SLC23A1: variants seen among roughly 807,000 people sequenced by gnomAD.
The protein encoded by SLC23A1 is Na(+)/L-ascorbic acid transporter 1.
A neutral mutation model predicts 62.5 loss-of-function variants in SLC23A1; 31 were observed. The ratio of observed to expected loss-of-function variants is 0.50; its 90% confidence interval spans 0.37 to 0.67. The LOEUF (loss-of-function observed/expected upper bound fraction) is 0.67. Among genes scored for constraint, SLC23A1 ranks in the 30% least tolerant of loss-of-function variants. SLC23A1 has a pLI of 0.00. For missense variants in SLC23A1, 640 were observed against 782.7 expected (o/e 0.82, Z 2.18); for synonymous variants, 271 against 313.2 (o/e 0.87, Z 1.42).
At chr5:139,373,039 C>T (rs1045666653) in intron 13 of SLC23A1, among the ~76,000 whole-genome samples, 1 of 152,154 alleles carries the variant, frequency 6.6e-6, no homozygotes, top group African/African-American at 2.4e-5. Context: ...ACACTATAAT[C>T]AGTGTTAATA....
In SLC23A1 at chr5:139,380,565, C is replaced by T. The variant is rs1034757476; in HGVS notation, c.465G>A (p.Glu155=). The T allele has an allele frequency of 6.2e-7, 1 of 1,613,842 alleles. No homozygotes were observed. The highest frequency in any genetic ancestry group is 8.5e-7 in the Non-Finnish European group (1 of 1,179,722). The change falls in exon 5 of 15, where the codon GAG becomes GAA. Residue 155 remains glutamate, a splice_region_variant and synonymous_variant. Coordinates refer to ENST00000348729, the MANE Select transcript of SLC23A1 (RefSeq NM_005847.5). Reference sequence around the variant, plus strand: ...CTTCTATGCTTACATGCAAACCCACCTCCCGTATCCGTGGGTGCCAAATAT... The same window carrying T: ...CTTCTATGCTTACATGCAAACCCACTTCCCGTATCCGTGGGTGCCAAATAT... ...TSHIWHPRIR[E]VQGAIMVSSV... is the part of the protein sequence containing the mutation.
upstream of SLC23A1, chr5:139,384,650 G>T: frequency 8.2e-7 from 1 of 1,216,274 alleles, no homozygotes; most frequent in Non-Finnish European, 1.1e-6. Context: ...CTGCAGATAC[G>T]GCTCCATGGA....
At position 139,379,040 on chromosome 5, in the gene SLC23A1, CAG is replaced by C. The variant is rs1395391759; in HGVS notation, c.1073+165_1073+166del. 6.6e-6 allele frequency among the ~76,000 whole-genome samples: 1 copy of C among 152,178 alleles called. No homozygotes were observed. The highest frequency in any genetic ancestry group is 2.4e-5 in the African/African-American group (1 of 41,436). On this transcript the variant is annotated intron_variant, in intron 9 of 14. Transcript: ENST00000348729. This position sits in a 1 kb window ranked among gnomAD's most constrained non-coding sequence, Gnocchi z 4.7. ...TCTTCTCAGCTACTCCCAGCAAAGA[CAG>C]AGGGGTGATGAGAGGGCACCCCCAT...
chr5:139,375,209 A>G (rs1478046949), intron 13 of SLC23A1, among the ~76,000 whole-genome samples: 3 of 152,082 alleles, frequency 2.0e-5, no homozygotes, highest in Non-Finnish European at 4.4e-5. Context: ...TCTTGCTACT[A>G]CCATCCCTTA....
chr5:139,380,727 G>T, intron 4 of SLC23A1, 71 bp downstream of exon 4: 1 of 1,462,742 alleles, frequency 6.8e-7, no homozygotes, highest in South Asian at 1.1e-5. Flanking sequence ...GTTGACCCGG[G>T]ACAGTTGCTC....
At chr5:139,383,410 G>A, upstream of SLC23A1, 1 of 1,432,032 alleles carries the variant, frequency 7.0e-7, no homozygotes, top group South Asian at 1.6e-5. Flanking sequence ...CCGGGCAGAG[G>A]TAATGTATTA....
chr5:139,379,496 T>C lies in SLC23A1; in HGVS notation c.926-142A>G, dbSNP rs1419459440. ...GAGCTATACAGTTGTGGGAGCTTAT[T>C]TGAGTCACTCAGAGCCAGGAAGTGG... On this transcript the variant is annotated intron_variant, in intron 8 of 14. Coordinates refer to ENST00000348729, the MANE Select transcript of SLC23A1 (RefSeq NM_005847.5). This position sits in a 1 kb window ranked among gnomAD's most constrained non-coding sequence, Gnocchi z 4.7. The C allele has an allele frequency of 2.2e-5, 23 of 1,040,332 alleles. No individual in the cohort carries two copies. Among genetic ancestry groups the C allele is most frequent in the South Asian group, 6.8e-5 (5 of 73,988 alleles). The allele number at this position is 1,040,332 out of a possible 1,614,324, so 64.4% of individuals were successfully genotyped here. A position where few individuals can be genotyped will look rare whatever the true frequency, so the allele number is the denominator to read the frequency against.
At position 139,378,507 on chromosome 5, in the gene SLC23A1, G is replaced by T; in HGVS notation, c.1179+72C>A. The T allele has an allele frequency of 6.9e-7, 1 of 1,448,368 alleles. No individual in the cohort carries two copies. Among genetic ancestry groups the T allele is most frequent in the East Asian group, 2.5e-5 (1 of 40,452 alleles). The allele number at this position is 1,448,368 out of a possible 1,614,324, so 89.7% of individuals were successfully genotyped here. ...AGACAGGGTGGGGCTAAACCAAAGT[G>T]GGGACCGAGTTGGGGCGGGGCCTGC... On this transcript the variant is annotated intron_variant, in intron 10 of 14. Coordinates refer to ENST00000348729, the MANE Select transcript of SLC23A1 (RefSeq NM_005847.5). This position sits in a 1 kb window ranked among gnomAD's most constrained non-coding sequence, Gnocchi z 4.5.
chr5:139,377,649 A>G (rs1332103270), intron 12 of SLC23A1, 152 bp from the exon 13 acceptor site: 1 of 633,684 alleles, frequency 1.6e-6, no homozygotes, highest in East Asian at 2.7e-5. Context: ...TCAAGTCCCA[A>G]TTCTGCCAGT....
chr5:139,374,916 A>G (rs555585257), intron 13 of SLC23A1, among the ~76,000 whole-genome samples: 19 of 152,230 alleles, frequency 1.2e-4, no homozygotes. Context: ...TCCAGCCCCC[A>G]GTCTAGCATC....
chr5:139,380,057 G>T lies in SLC23A1; in HGVS notation c.667C>A (p.Leu223Ile). The T allele has an allele frequency of 6.2e-7, 1 of 1,612,434 alleles. No individual in the cohort carries two copies. Among genetic ancestry groups the T allele is most frequent in the South Asian group, 1.1e-5 (1 of 90,838 alleles). Residue 223 changes from leucine to isoleucine, a missense_variant, in exon 7 of 15, where the codon CTC (leucine) becomes ATC (isoleucine). Transcript: ENST00000348729. ...ISACSILLII[L>I]FSQYLRNLTF... The stretch of plus-strand genomic sequence containing the variant: ...AGGTTGCGCAGGTACTGGGAGAAGA[G>T]GATGATCAGGAGAATGGAGCTGGGG...
rs773241697 is a variant in SLC23A1, at chr5:139,378,050, C to CG, written c.1377dup (p.Val460ArgfsTer29). 6.2e-7 allele frequency: 1 copy of CG among 1,614,136 alleles called. No homozygotes were observed. Among genetic ancestry groups the CG allele is most frequent in the African/African-American group, 1.3e-5 (1 of 75,054 alleles). On this transcript the variant is annotated frameshift_variant, in exon 12 of 15. Coordinates refer to ENST00000348729, the MANE Select transcript of SLC23A1 (RefSeq NM_005847.5). LOFTEE classifies it high-confidence loss of function. This position sits in a 1 kb window ranked among gnomAD's most constrained non-coding sequence, Gnocchi z 4.5. ...CCGAAGAACATGGAAAATCCCAGCA[C>CG]GAAGAGGTTGCGAGAGGAGTTCATG... is the stretch of plus-strand genomic sequence containing the variant.
At chr5:139,371,928 A>G (rs1757689895) in intron 14 of SLC23A1, 59 bp downstream of exon 14, 2 of 1,362,114 alleles carry the variant, frequency 1.5e-6, no homozygotes, top group Middle Eastern at 1.8e-4. Context: ...TTCTTTGGTT[A>G]AAGCATAAGA....
At chr5:139,374,140 C>G (rs143911744) in intron 13 of SLC23A1, among the ~76,000 whole-genome samples, 2 of 152,362 alleles carry the variant, frequency 1.3e-5, no homozygotes, top group African/African-American at 4.8e-5. Flanking sequence ...CAAATTGTTA[C>G]TGACTTACAC....
intron 13 of SLC23A1, among the ~76,000 whole-genome samples, chr5:139,376,232 C>T (rs62385280): frequency 0.05 from 7,449 of 148,178 alleles, 283 homozygotes; most frequent in African/African-American, 0.11. Context: ...TGCAATGGCA[C>T]GATCTCGGCC....
At position 139,378,506 on chromosome 5, in the gene SLC23A1, T is replaced by C; in HGVS notation, c.1179+73A>G. 2 of 1,447,856 alleles carry C rather than the reference T, an allele frequency of 1.4e-6. No homozygotes were observed. Among genetic ancestry groups the C allele is most frequent in the Non-Finnish European group, 1.9e-6 (2 of 1,055,360 alleles). 89.7% of individuals were successfully genotyped at this position (1,447,856 alleles called of 1,614,324 possible). On this transcript the variant is annotated intron_variant, in intron 10 of 14. Transcript: ENST00000348729. The surrounding 1 kb of genome is among the most constrained non-coding windows in gnomAD (Gnocchi z 4.5). ...AAGACAGGGTGGGGCTAAACCAAAG[T>C]GGGGACCGAGTTGGGGCGGGGCCTG...
intron 3 of SLC23A1, among the ~76,000 whole-genome samples, chr5:139,381,669 T>G (rs1398283641): frequency 6.7e-6 from 1 of 149,414 alleles, no homozygotes; most frequent in Admixed American, 6.7e-5. Context: ...GTACAATCCC[T>G]TAAACTTGCA....
chr5:139,380,043 G>A lies in SLC23A1; in HGVS notation c.681C>T (p.Tyr227=), dbSNP rs781085095. 1.2e-6 allele frequency: 2 copies of A among 1,613,766 alleles called. No homozygotes were observed. The highest frequency in any genetic ancestry group is 1.7e-6 in the Non-Finnish European group (2 of 1,179,840). The change falls in exon 7 of 15, where the codon TAC becomes TAT. Residue 227 remains tyrosine (Y), a synonymous_variant. Transcript: ENST00000348729. ...SILLIILFSQ[Y]LRNLTFLLPV... ...GCAGCAGGAAGGTGAGGTTGCGCAG[G>A]TACTGGGAGAAGAGGATGATCAGGA...
At chr5:139,383,332 C>T (rs1047320542), upstream of SLC23A1, 4 of 1,574,636 alleles carry the variant, frequency 2.5e-6, no homozygotes, top group Admixed American at 1.8e-5. Flanking sequence ...GACTTTACTC[C>T]ACATATCAGG....
Sources: gnomAD v4.1 joint callset for allele counts (sites outside exome capture counted in the v4.1 genomes callset) on GRCh38, gnomAD v4.1.1 for gene constraint, Gnocchi (gnomAD v3.1) non-coding constraint, MANE v1.5 for transcripts, NCBI Gene and HGNC (gene_info 2026-07-23, HGNC 2026-07-21) for gene names.